The following TENM3 variants were observed in gnomAD, a reference collection of about 807,000 sequenced individuals.
TENM3 encodes teneurin-3.
A neutral mutation model predicts 255.1 loss-of-function variants in TENM3; 63 were observed. The ratio of observed to expected loss-of-function variants is 0.25; its 90% CI spans 0.20 to 0.30. TENM3 has a LOEUF of 0.30. TENM3 is among the 10% of genes least tolerant of loss of function. TENM3 has a pLI of 1.00. For missense variants in TENM3, 2,929 were observed against 3,461.1 expected (o/e 0.85, Z 3.86); for synonymous variants, 1,306 against 1,322.3 (o/e 0.99, Z 0.27).
chr4:181,692,456 CA>C, the TENM3 span, among the ~76,000 whole-genome samples: 3 of 152,152 alleles, frequency 2.0e-5, no homozygotes, highest in African/African-American at 7.2e-5. Flanking sequence ...AAAGTTCTAA[CA>C]AGATGCATGT....
the TENM3 span, among the ~76,000 whole-genome samples, chr4:182,030,154 G>A: frequency 9.9e-5 from 15 of 151,838 alleles, no homozygotes; most frequent in Admixed American, 8.5e-4. Context: ...TGCCACAGTG[G>A]TTTCCTGCAC....
chr4:182,367,020 C>T (rs925234339), intron 3 of TENM3, among the ~76,000 whole-genome samples: 10 of 151,964 alleles, frequency 6.6e-5, no homozygotes, highest in Non-Finnish European at 1.5e-4. Context: ...TAATATTGGG[C>T]TTTACAACAG....
the TENM3 span, among the ~76,000 whole-genome samples, chr4:181,883,354 C>T: frequency 6.6e-6 from 1 of 152,064 alleles, no homozygotes; most frequent in African/African-American, 2.4e-5. Context: ...TAGCCATGCT[C>T]TACAAACTTA....
the TENM3 span, among the ~76,000 whole-genome samples, chr4:181,493,536 T>C: frequency 2.6e-5 from 4 of 152,024 alleles, no homozygotes; most frequent in African/African-American, 9.7e-5. Context: ...GAGACCAGCC[T>C]GACCAACATG....
At chr4:182,151,895 T>C (rs1027331159) in intron 1 of TENM3, among the ~76,000 whole-genome samples, 4 of 152,022 alleles carry the variant, frequency 2.6e-5, no homozygotes, top group African/African-American at 7.2e-5. Context: ...AACTATAATA[T>C]TGCAAAGAAA....
At chr4:181,731,404 A>G in the TENM3 span, among the ~76,000 whole-genome samples, 1 of 152,056 alleles carries the variant, frequency 6.6e-6, no homozygotes, top group Non-Finnish European at 1.5e-5. Context: ...CCCGGGCTGG[A>G]GTGCAGTGGT....
the TENM3 span, among the ~76,000 whole-genome samples, chr4:181,874,229 T>C: frequency 6.6e-6 from 1 of 152,188 alleles, no homozygotes; most frequent in African/African-American, 2.4e-5. Context: ...GAGTATGGCA[T>C]TTTGTAAGTA....
At chr4:182,385,658 AAATG>A (rs1767870604) in intron 3 of TENM3, among the ~76,000 whole-genome samples, 1 of 152,248 alleles carries the variant, frequency 6.6e-6, no homozygotes, top group Admixed American at 6.5e-5. Flanking sequence ...GTTATTTTTT[AAATG>A]AATGAAAGTA....
At chr4:182,425,343 C>T (rs1295947529) in intron 3 of TENM3, among the ~76,000 whole-genome samples, 1 of 152,170 alleles carries the variant, frequency 6.6e-6, no homozygotes, top group Non-Finnish European at 1.5e-5. Context: ...TTTGTATTTC[C>T]TATATATCCT....
At chr4:182,698,991 G>T (rs931751213) in intron 12 of TENM3, among the ~76,000 whole-genome samples, 1 of 152,184 alleles carries the variant, frequency 6.6e-6, no homozygotes, top group Non-Finnish European at 1.5e-5. Context: ...CCACTGAAGT[G>T]ATTTACACAT....
the TENM3 span, among the ~76,000 whole-genome samples, chr4:182,138,352 G>A: frequency 1.3e-5 from 2 of 152,210 alleles, no homozygotes; most frequent in Non-Finnish European, 2.9e-5. Context: ...ATATACATTT[G>A]AGTTGAATTT....
intron 4 of TENM3, among the ~76,000 whole-genome samples, chr4:182,608,737 T>C (rs1026695127): frequency 1.3e-5 from 2 of 152,114 alleles, no homozygotes; most frequent in Non-Finnish European, 2.9e-5. Context: ...CTGGCTTTGC[T>C]GGACAGGCCA....
At chr4:182,477,246 T>C (rs1322307461) in intron 3 of TENM3, among the ~76,000 whole-genome samples, 8 of 152,188 alleles carry the variant, frequency 5.3e-5, no homozygotes, top group Non-Finnish European at 1.2e-4. Flanking sequence ...GAGAGTTGTA[T>C]AGGGATTGTT....
intron 1 of TENM3, among the ~76,000 whole-genome samples, chr4:182,282,865 C>G (rs1760475106): frequency 6.8e-6 from 1 of 146,316 alleles, no homozygotes. Context: ...TGCACTCCAG[C>G]CTGGGTGGCA....
chr4:181,698,171 G>A, the TENM3 span, among the ~76,000 whole-genome samples: 5 of 148,410 alleles, frequency 3.4e-5, no homozygotes, highest in Admixed American at 6.8e-5. Context: ...CCGAGATCAC[G>A]CCACTGCACT....
At chr4:182,366,251 T>G (rs9996992) in intron 3 of TENM3, among the ~76,000 whole-genome samples, 3,546 of 152,074 alleles carry the variant, frequency 0.023, 76 homozygotes, top group East Asian at 0.067. Context: ...TTTACAAACT[T>G]TAAAATATAA....
At chr4:182,611,617 G>A (rs992053960) in intron 4 of TENM3, among the ~76,000 whole-genome samples, 1 of 152,018 alleles carries the variant, frequency 6.6e-6, no homozygotes, top group African/African-American at 2.4e-5. Flanking sequence ...AGACCTTTAA[G>A]CAGTTTAGAA....
chr4:181,593,039 C>T, the TENM3 span, among the ~76,000 whole-genome samples: 2 of 152,142 alleles, frequency 1.3e-5, no homozygotes, highest in South Asian at 4.1e-4. Flanking sequence ...TTGCTTCTGC[C>T]TTCCTTTGTA....
chr4:182,742,560 T>C (rs1306731393), intron 18 of TENM3, among the ~76,000 whole-genome samples: 6 of 152,218 alleles, frequency 3.9e-5, no homozygotes. Flanking sequence ...TCTACCTTTG[T>C]TTTCCACAAA....
Sources: allele counts gnomAD v4.1 joint callset (sites outside exome capture counted in the v4.1 genomes callset), GRCh38; gene constraint gnomAD v4.1.1; transcripts MANE v1.5; gene names NCBI Gene and HGNC (gene_info 2026-07-23, HGNC 2026-07-21).